The following PCDH15 variants were observed in gnomAD, a reference collection of about 807,000 sequenced individuals.
PCDH15 encodes protocadherin-15.
Under a neutral mutation model 178.5 loss-of-function variants are expected in PCDH15, and 129 were observed. The ratio of observed to expected loss-of-function variants is 0.72; its 90% CI spans 0.63 to 0.84. The LOEUF (loss-of-function observed/expected upper bound fraction) is 0.84, where lower values mean the gene tolerates loss of function less well. Ranked by LOEUF, PCDH15 falls within the 40% of genes least tolerant of loss-of-function variation. PCDH15 has a pLI of 0.00. For missense variants in PCDH15, 2,230 were observed against 2,099.9 expected (o/e 1.06, Z -1.21); for synonymous variants, 800 against 732.0 (o/e 1.09, Z -1.50).
At chr10:55,286,377 C>A (rs1486422696) in intron 1 of PCDH15, among the ~76,000 whole-genome samples, 3 of 151,836 alleles carry the variant, frequency 2.0e-5, no homozygotes, top group African/African-American at 7.2e-5. Context: ...TATACCTATA[C>A]CTGTTTGTAG....
At chr10:53,882,782 T>G (rs921363055) in intron 26 of PCDH15, among the ~76,000 whole-genome samples, 12 of 152,232 alleles carry the variant, frequency 7.9e-5, no homozygotes, top group Non-Finnish European at 1.8e-4. Context: ...GTTTTTCTTT[T>G]AAAATATTCC....
intron 2 of PCDH15, among the ~76,000 whole-genome samples, chr10:54,939,456 C>T (rs1472072396): frequency 1.6e-5 from 2 of 121,704 alleles, no homozygotes; most frequent in Non-Finnish European, 3.2e-5. Flanking sequence ...GACCTCGCCA[C>T]TGCACTCCAG....
chr10:55,549,132 C>A (rs377732367), intron 2 of PCDH15, among the ~76,000 whole-genome samples: 4 of 151,796 alleles, frequency 2.6e-5, no homozygotes, highest in South Asian at 4.2e-4. Flanking sequence ...ATTGACATAT[C>A]TAATTAGGGA....
chr10:55,320,091 T>C (rs1190458456), upstream of PCDH15, among the ~76,000 whole-genome samples: 2 of 152,106 alleles, frequency 1.3e-5, no homozygotes, highest in Non-Finnish European at 2.9e-5. Flanking sequence ...TGGAGCCTCC[T>C]CTGTGCTGCT....
intron 2 of PCDH15, among the ~76,000 whole-genome samples, chr10:55,385,935 G>A (rs1165082094): frequency 6.6e-6 from 1 of 151,108 alleles, no homozygotes; most frequent in Non-Finnish European, 1.5e-5. Flanking sequence ...AAATAGCATT[G>A]TTCTCAGACT....
intron 2 of PCDH15, among the ~76,000 whole-genome samples, chr10:54,554,423 T>C (rs2133236048): frequency 6.6e-6 from 1 of 152,318 alleles, no homozygotes; most frequent in Non-Finnish European, 1.5e-5. Context: ...CGTAAGTGAT[T>C]CTTATGTTAG....
chr10:54,157,787 C>T (rs1410114114), intron 13 of PCDH15, among the ~76,000 whole-genome samples: 1 of 152,170 alleles, frequency 6.6e-6, no homozygotes, highest in Admixed American at 6.6e-5. Flanking sequence ...ACCCAAGACA[C>T]CTCATGAATG....
intron 1 of PCDH15, among the ~76,000 whole-genome samples, chr10:54,785,492 A>T (rs1463928914): frequency 1.3e-5 from 2 of 152,026 alleles, no homozygotes; most frequent in Non-Finnish European, 2.9e-5. Context: ...TATCCCTTGC[A>T]TACCTTTGAT....
intron 1 of PCDH15, among the ~76,000 whole-genome samples, chr10:54,679,987 A>G (rs2094869348): frequency 6.6e-6 from 1 of 152,218 alleles, no homozygotes; most frequent in Non-Finnish European, 1.5e-5. Flanking sequence ...TGCTATATTA[A>G]CATATGTGTA....
intron 2 of PCDH15, among the ~76,000 whole-genome samples, chr10:55,531,709 C>G (rs368193919): frequency 6.6e-6 from 1 of 152,104 alleles, no homozygotes; most frequent in East Asian, 1.9e-4. Flanking sequence ...AATTGAATAA[C>G]AGATGTTGTA....
At chr10:54,685,138 C>T (rs1304122670) in intron 1 of PCDH15, among the ~76,000 whole-genome samples, 4 of 152,138 alleles carry the variant, frequency 2.6e-5, no homozygotes, top group Middle Eastern at 6.8e-3. Context: ...CCCTGTCTTC[C>T]TCCTCCATAT....
chr10:54,909,799 T>G (rs1460862081), intron 2 of PCDH15, among the ~76,000 whole-genome samples: 7 of 152,048 alleles, frequency 4.6e-5, no homozygotes, highest in Non-Finnish European at 8.8e-5. Context: ...ACCTCGGACC[T>G]GCTCCACTTG....
At chr10:55,541,971 A>G (rs923170102) in intron 2 of PCDH15, among the ~76,000 whole-genome samples, 10 of 151,778 alleles carry the variant, frequency 6.6e-5, no homozygotes, top group Non-Finnish European at 1.3e-4. Flanking sequence ...ACAATAAATG[A>G]GTCAGAAGAA....
chr10:55,294,369 G>C (rs911975068), intron 1 of PCDH15, among the ~76,000 whole-genome samples: 7 of 152,126 alleles, frequency 4.6e-5, no homozygotes, highest in Non-Finnish European at 7.3e-5. Flanking sequence ...GTATAGCTAG[G>C]TGTTGAACTA....
intron 11 of PCDH15, among the ~76,000 whole-genome samples, chr10:54,190,812 A>G (rs1032306784): frequency 6.6e-6 from 1 of 152,198 alleles, no homozygotes; most frequent in African/African-American, 2.4e-5. Context: ...AAATGAACTA[A>G]TTTACTTTAT....
chr10:54,172,439 G>A (rs553410451), intron 13 of PCDH15, among the ~76,000 whole-genome samples: 8 of 152,116 alleles, frequency 5.3e-5, no homozygotes, highest in East Asian at 1.9e-4. Context: ...GCCTGCACCC[G>A]GGTGAAATAA....
At chr10:54,549,525 T>C (rs1358803900) in intron 2 of PCDH15, among the ~76,000 whole-genome samples, 1 of 151,974 alleles carries the variant, frequency 6.6e-6, no homozygotes, top group Non-Finnish European at 1.5e-5. Context: ...GGTATACTAA[T>C]AGATTCTTTT....
chr10:54,711,124 C>T (rs2095424354), intron 1 of PCDH15, among the ~76,000 whole-genome samples: 1 of 151,988 alleles, frequency 6.6e-6, no homozygotes. Context: ...TAAGAGGCTG[C>T]TTGCTGTCAC....
intron 1 of PCDH15, among the ~76,000 whole-genome samples, chr10:55,218,605 A>T (rs1380520290): frequency 6.6e-6 from 1 of 152,034 alleles, no homozygotes; most frequent in Non-Finnish European, 1.5e-5. Flanking sequence ...CACATACTTC[A>T]TTCAGTCATC....
Sources: gnomAD v4.1 joint callset for allele counts (sites outside exome capture counted in the v4.1 genomes callset) on GRCh38, gnomAD v4.1.1 for gene constraint, MANE v1.5 for transcripts, NCBI Gene and HGNC (gene_info 2026-07-23, HGNC 2026-07-21) for gene names.